TRIM71: variants seen among roughly 807,000 people sequenced by gnomAD.
TRIM71 encodes the protein E3 ubiquitin-protein ligase TRIM71.
A neutral mutation model predicts 61.2 loss-of-function variants in TRIM71; 9 were observed. The ratio of observed to expected loss-of-function variants is 0.15; its 90% CI spans 0.09 to 0.26. TRIM71 has a LOEUF of 0.26. TRIM71 is among the 10% of genes least tolerant of loss of function. The probability of loss-of-function intolerance (pLI) is 1.00; values close to 1 mark genes in which losing one functional copy is unlikely to be tolerated. For missense variants in TRIM71, 998 were observed against 1,238.7 expected, an observed-to-expected ratio of 0.81 and a Z score of 2.92; for synonymous variants, 645 against 553.2, an observed-to-expected ratio of 1.17 and a Z score of -2.33.
chr3:32,832,821 T>C (rs1696288086), intron 1 of TRIM71, among the ~76,000 whole-genome samples: 1 of 152,114 alleles, frequency 6.6e-6, no homozygotes, highest in Non-Finnish European at 1.5e-5. Flanking sequence ...ATTGATAACA[T>C]TGAAGAAATA....
At chr3:32,873,695 G>A (rs1317907743) in intron 1 of TRIM71, 123 bp from the exon 2 acceptor site, 40 of 862,624 alleles carry the variant, frequency 4.6e-5, no homozygotes, top group Non-Finnish European at 6.2e-5. Context: ...TCCCTTTGGG[G>A]TGTGCTTGCT....
intron 1 of TRIM71, among the ~76,000 whole-genome samples, chr3:32,832,990 CAT>C (rs1696290487): frequency 1.3e-5 from 2 of 151,842 alleles, no homozygotes; most frequent in Admixed American, 1.3e-4. Context: ...CTGGCCAACA[CAT>C]GGTGAAACCC....
chr3:32,818,570 G>A lies in TRIM71; in HGVS notation c.490G>A (p.Ala164Thr). The change falls in exon 1 of 4, where the codon GCG (alanine) becomes ACG (threonine). Residue 164 changes from alanine to threonine, a missense_variant. By Grantham distance (58) the Ala-to-Thr change is moderately conservative (BLOSUM62 0). Around this residue, in one of 5 missense-constraint regions of TRIM71, gnomAD observed 527 missense variants for 427.8 expected, o/e 1.23. Transcript: ENST00000383763. The stretch of plus-strand genomic sequence containing the variant: ...CGCGCACCCGCGCGCGTCCGCCTCC[G>A]CGCCGCCACTCCCGCAGGCGCCGCA... ...HHAHPRASAS[A>T]PPLPQAPQPP... The A allele has an allele frequency of 7.9e-7, 1 of 1,270,924 alleles. No individual in the cohort carries two copies. The highest frequency in any genetic ancestry group is 9.8e-7 in the Non-Finnish European group (1 of 1,016,672). The allele number at this position is 1,270,924 out of a possible 1,614,324, so 78.7% of individuals were successfully genotyped here.
rs1696372257 is a variant in TRIM71, at chr3:32,838,965, TA to T, written c.852+20034del. On this transcript the variant is annotated intron_variant, in intron 1 of 3. Coordinates refer to ENST00000383763, the MANE Select transcript of TRIM71 (RefSeq NM_001039111.3). Reference sequence around the variant, plus strand: ...ACAGGTGCATGGCACCACGCCTGGCTACTTTTTGTATTTTTAATAGAGTCGG... The same window carrying T: ...ACAGGTGCATGGCACCACGCCTGGCTCTTTTTGTATTTTTAATAGAGTCGG... Among the ~76,000 whole-genome samples the T allele has an allele frequency of 2.6e-5, 4 of 151,868 alleles. No homozygotes were observed. The South Asian group carries it at 8.3e-4, about 32-fold the overall frequency.
intron 3 of TRIM71, among the ~76,000 whole-genome samples, chr3:32,889,559 AATTATTATTATTATT>A (rs35065462): frequency 1.0e-4 from 14 of 139,596 alleles, no homozygotes; most frequent in African/African-American, 2.1e-4. Flanking sequence ...GTTTTGTCCC[AATTATTATTATTATT>A]ATTATTATTA....
chr3:32,880,506 A>ACTCACAACTTATGACTC (rs1696897945), intron 2 of TRIM71, among the ~76,000 whole-genome samples: 1 of 152,230 alleles, frequency 6.6e-6, no homozygotes, highest in Non-Finnish European at 1.5e-5. Flanking sequence ...TATGACTTTA[A>ACTCACAACTTATGACTC]AGAGACTCAC....
intron 1 of TRIM71, among the ~76,000 whole-genome samples, chr3:32,847,984 T>C (rs1251177778): frequency 6.6e-6 from 1 of 152,176 alleles, no homozygotes; most frequent in Non-Finnish European, 1.5e-5. Context: ...TTAAAGTATA[T>C]GGGAGGATGT....
At chr3:32,844,902 A>T (rs1205793036) in intron 1 of TRIM71, among the ~76,000 whole-genome samples, 5 of 152,226 alleles carry the variant, frequency 3.3e-5, no homozygotes, top group Non-Finnish European at 5.9e-5. Context: ...AATTTTAATG[A>T]CATTGGGATG....
chr3:32,863,184 A>G (rs1696692765), intron 1 of TRIM71, among the ~76,000 whole-genome samples: 1 of 123,684 alleles, frequency 8.1e-6, no homozygotes, highest in African/African-American at 3.0e-5. Flanking sequence ...AGGGAGGAGT[A>G]TTAATTGAAC....
chr3:32,837,242 T>G (rs550532558), intron 1 of TRIM71, among the ~76,000 whole-genome samples: 3 of 152,118 alleles, frequency 2.0e-5, no homozygotes, highest in Non-Finnish European at 4.4e-5. Flanking sequence ...GATATAAAGG[T>G]GTTTTGAAAT....
rs576662913 is a variant in TRIM71 at position 32,830,547 on chromosome 3, A to T, written c.852+11615A>T. Among the ~76,000 whole-genome samples the T allele has an allele frequency of 9.9e-5, 15 of 152,210 alleles. No individual in the cohort carries two copies. The South Asian group carries it at 2.3e-3, about 23-fold the overall frequency. ...GAGCTCATCTCCTGCTCCTGTCCCC[A>T]TACCCTCTCACCCTGGCCCCAACAC... On this transcript the variant is annotated intron_variant, in intron 1 of 3. Transcript: ENST00000383763.
At chr3:32,883,383 C>T (rs915003644) in intron 2 of TRIM71, among the ~76,000 whole-genome samples, 14 of 152,326 alleles carry the variant, frequency 9.2e-5, no homozygotes, top group South Asian at 2.1e-4. Context: ...ATCAAGGTGT[C>T]GGGACCATGC....
intron 3 of TRIM71, among the ~76,000 whole-genome samples, chr3:32,888,532 T>TTTG (rs374711623): frequency 0.045 from 6,681 of 149,846 alleles, 460 homozygotes; most frequent in African/African-American, 0.15. Context: ...CCTTTTGCGG[T>TTTG]TTGTTGTTGT....
intron 1 of TRIM71, 108 bp downstream of exon 1, chr3:32,819,040 G>T (rs552219821): frequency 1.6e-6 from 2 of 1,286,874 alleles, no homozygotes; most frequent in South Asian, 2.5e-5. Flanking sequence ...CTCCGGATTT[G>T]GTTTGTATTT....
Position 32,890,460 on chromosome 3 carries a change from A to G in TRIM71, c.1256A>G (p.Gln419Arg). ...NKLESTISAVQQVLEEGRALD... is the reference protein window; with the variant it reads ...NKLESTISAVRQVLEEGRALD... ...CTTGAGAGCACCATCAGTGCCGTGC[A>G]GCAGGTCCTGGAGGAGGGTAGAGCG... The change falls in exon 4 of 4, where the codon CAG (glutamine) becomes CGG (arginine). Residue 419 changes from glutamine (Q) to arginine (R), a missense_variant. Transcript: ENST00000383763. The surrounding 1 kb of genome is among the most constrained non-coding windows in gnomAD (Gnocchi z 6.2). The G allele has an allele frequency of 6.2e-7, 1 of 1,614,224 alleles. No individual in the cohort carries two copies. Among genetic ancestry groups the G allele is most frequent in the Non-Finnish European group, 8.5e-7 (1 of 1,180,046 alleles).
intron 1 of TRIM71, among the ~76,000 whole-genome samples, chr3:32,832,791 C>T (rs1249464088): frequency 6.6e-6 from 1 of 151,942 alleles, no homozygotes; most frequent in Non-Finnish European, 1.5e-5. Context: ...TCCTCTTCCT[C>T]CCTTCCTAGG....
At chr3:32,825,811 G>C (rs1197543193) in intron 1 of TRIM71, among the ~76,000 whole-genome samples, 2 of 152,138 alleles carry the variant, frequency 1.3e-5, no homozygotes, top group Non-Finnish European at 2.9e-5. Context: ...TGGCTTGCAA[G>C]AGTAAGCTTG....
chr3:32,873,426 C>T (rs1407123535), intron 1 of TRIM71, among the ~76,000 whole-genome samples: 1 of 152,180 alleles, frequency 6.6e-6, no homozygotes, highest in Non-Finnish European at 1.5e-5. Flanking sequence ...CCACTAATAT[C>T]AGACTAGGTA....
At chr3:32,889,559 A>AATT (rs35065462) in intron 3 of TRIM71, among the ~76,000 whole-genome samples, 53,838 of 139,392 alleles carry the variant, frequency 0.39, 10,653 homozygotes, top group South Asian at 0.53. Flanking sequence ...GTTTTGTCCC[A>AATT]ATTATTATTA....
Sources: allele counts gnomAD v4.1 joint callset (sites outside exome capture counted in the v4.1 genomes callset), GRCh38; gene constraint gnomAD v4.1.1; regional missense constraint gnomAD v4.1.1; non-coding constraint Gnocchi (gnomAD v3.1); transcripts MANE v1.5; gene names NCBI Gene and HGNC (gene_info 2026-07-23, HGNC 2026-07-21).